SLC35F4: variants seen among roughly 807,000 people sequenced by gnomAD.
SLC35F4 encodes the protein solute carrier family 35 member F4, also known as chromosome 14 open reading frame 36.
A neutral mutation model predicts 44.2 loss-of-function variants in SLC35F4; 24 were observed. The ratio of observed to expected loss-of-function variants is 0.54; its 90% CI spans 0.39 to 0.76. SLC35F4 has a LOEUF of 0.76. Among genes scored for constraint, SLC35F4 ranks in the 30% least tolerant of loss-of-function variants. The probability of loss-of-function intolerance (pLI) is 0.00; values close to 1 mark genes in which losing one functional copy is unlikely to be tolerated. For missense variants in SLC35F4, 562 were observed against 586.1 expected, an observed-to-expected ratio of 0.96 and a Z score of 0.42; for synonymous variants, 238 against 223.6, an observed-to-expected ratio of 1.06 and a Z score of -0.57.
chr14:57,977,349 A>G (rs1302531243), intron 1 of SLC35F4, among the ~76,000 whole-genome samples: 1 of 152,220 alleles, frequency 6.6e-6, no homozygotes, highest in Non-Finnish European at 1.5e-5. Flanking sequence ...AGCTAGAGAC[A>G]TCCGCAGAAG....
At chr14:57,934,859 A>T (rs953386877) in intron 1 of SLC35F4, among the ~76,000 whole-genome samples, 4 of 152,182 alleles carry the variant, frequency 2.6e-5, no homozygotes, top group African/African-American at 9.6e-5. Context: ...GAAAAGACAC[A>T]GAAGAATGAG....
At chr14:57,566,711 T>C in intron 6 of SLC35F4, 147 bp from the exon 7 acceptor site, 1 of 728,662 alleles carries the variant, frequency 1.4e-6, no homozygotes, top group Non-Finnish European at 2.3e-6. Flanking sequence ...GATGGATGCA[T>C]GTGTATTCTA....
intron 1 of SLC35F4, among the ~76,000 whole-genome samples, chr14:57,667,865 A>C (rs7156963): frequency 7.1e-6 from 1 of 140,882 alleles, no homozygotes; most frequent in African/African-American, 2.7e-5. Flanking sequence ...GGGATGGCTG[A>C]GTCAAATGGT....
In SLC35F4 at chr14:57,682,600, C is replaced by T. The variant is rs557811027; in HGVS notation, c.104-88476G>A. On this transcript the variant is annotated intron_variant, in intron 1 of 7. Transcript: ENST00000556826. ...CATGTACACCTATGCAATAAACATG[C>T]ACGTTCTGCACATGTACTCCAGAAC... Among the ~76,000 whole-genome samples the T allele has an allele frequency of 7.3e-4, 111 of 151,062 alleles. 1 individual carries two copies. Among genetic ancestry groups the T allele is most frequent in the African/African-American group, 2.5e-3 (104 of 40,998 alleles).
intron 1 of SLC35F4, among the ~76,000 whole-genome samples, chr14:57,819,812 CAAAA>C (rs200256387): frequency 1.8e-5 from 2 of 108,120 alleles, no homozygotes; most frequent in Admixed American, 9.6e-5. Context: ...GACCCCGTCT[CAAAA>C]AAAAAAAAAA....
intron 1 of SLC35F4, among the ~76,000 whole-genome samples, chr14:57,732,384 T>G (rs927999555): frequency 2.6e-5 from 4 of 152,106 alleles, no homozygotes; most frequent in African/African-American, 9.7e-5. Context: ...ATAATGTGTA[T>G]GCAAACTAGA....
intron 1 of SLC35F4, among the ~76,000 whole-genome samples, chr14:57,695,158 A>G (rs1047871954): frequency 6.6e-6 from 1 of 152,200 alleles, no homozygotes; most frequent in Non-Finnish European, 1.5e-5. Flanking sequence ...ACAAAAGCCA[A>G]AATTGACAAA....
intron 1 of SLC35F4, among the ~76,000 whole-genome samples, chr14:57,715,162 TA>T (rs1215579689): frequency 6.6e-6 from 1 of 151,868 alleles, no homozygotes; most frequent in African/African-American, 2.4e-5. Context: ...TGCAGGGTTA[TA>T]GGGGGAAAAA....
intron 1 of SLC35F4, among the ~76,000 whole-genome samples, chr14:57,945,438 A>AGTGT (rs1890006688): frequency 2.7e-5 from 2 of 75,380 alleles, no homozygotes; most frequent in African/African-American, 7.7e-5. Context: ...GAGCAATGAT[A>AGTGT]ATGTGTGTGT....
intron 1 of SLC35F4, among the ~76,000 whole-genome samples, chr14:57,708,863 C>T (rs1028514237): frequency 5.3e-5 from 8 of 152,208 alleles, no homozygotes; most frequent in African/African-American, 1.7e-4. Flanking sequence ...GTCACGTGTC[C>T]ACTGGACAGG....
chr14:57,802,593 G>T (rs964381356), intron 1 of SLC35F4, among the ~76,000 whole-genome samples: 1 of 151,272 alleles, frequency 6.6e-6, no homozygotes, highest in Non-Finnish European at 1.5e-5. Flanking sequence ...AGAAAAGAGA[G>T]AAGACTCAAA....
At chr14:57,689,444 G>A (rs896869132) in intron 1 of SLC35F4, among the ~76,000 whole-genome samples, 2 of 152,084 alleles carry the variant, frequency 1.3e-5, no homozygotes, top group Admixed American at 1.3e-4. Flanking sequence ...GAATGAGGCA[G>A]CTATTCAAAT....
At chr14:57,917,917 T>A (rs1391912082) in intron 1 of SLC35F4, among the ~76,000 whole-genome samples, 3 of 152,038 alleles carry the variant, frequency 2.0e-5, no homozygotes, top group African/African-American at 7.2e-5. Flanking sequence ...CCCACACACA[T>A]CCCCTCCTCA....
intron 1 of SLC35F4, among the ~76,000 whole-genome samples, chr14:57,699,150 G>T (rs1247340710): frequency 1.3e-5 from 2 of 152,086 alleles, no homozygotes; most frequent in African/African-American, 4.8e-5. Context: ...ATAGCATATA[G>T]AATACACAGA....
At chr14:57,814,978 T>A (rs1018052564) in intron 1 of SLC35F4, among the ~76,000 whole-genome samples, 2 of 152,248 alleles carry the variant, frequency 1.3e-5, no homozygotes, top group African/African-American at 4.8e-5. Context: ...ATGGGGCAAA[T>A]CCAGCCATTC....
chr14:57,962,180 C>G (rs1890351542), intron 1 of SLC35F4, among the ~76,000 whole-genome samples: 1 of 152,134 alleles, frequency 6.6e-6, no homozygotes, highest in Non-Finnish European at 1.5e-5. Flanking sequence ...ATGATTTTAT[C>G]CTTGCATTTC....
intron 1 of SLC35F4, among the ~76,000 whole-genome samples, chr14:57,673,153 T>C (rs2074576544): frequency 6.6e-6 from 1 of 152,140 alleles, no homozygotes; most frequent in South Asian, 2.1e-4. Context: ...TAGGCCACTT[T>C]TTTATGTAAG....
chr14:57,590,226 C>CAAAAAAAAAAAAA (rs55850524), intron 2 of SLC35F4, among the ~76,000 whole-genome samples: 5 of 119,174 alleles, frequency 4.2e-5, no homozygotes, highest in South Asian at 3.0e-4. Context: ...CTTGTCTATG[C>CAAAAAAAAAAAAA]AAAAAAAAAA....
chr14:57,613,127 G>A (rs2071607578), intron 1 of SLC35F4, among the ~76,000 whole-genome samples: 1 of 152,174 alleles, frequency 6.6e-6, no homozygotes, highest in Admixed American at 6.5e-5. Flanking sequence ...TTATGGGAGA[G>A]TTGAGAACAA....
Sources: allele counts gnomAD v4.1 joint callset (sites outside exome capture counted in the v4.1 genomes callset), GRCh38; gene constraint gnomAD v4.1.1; transcripts MANE v1.5; gene names NCBI Gene and HGNC (gene_info 2026-07-23, HGNC 2026-07-21).